PTPRD: variants seen among roughly 807,000 people sequenced by gnomAD.
PTPRD encodes protein tyrosine phosphatase receptor type D.
Under a neutral mutation model 214.5 loss-of-function variants are expected in PTPRD, and 34 were observed. The observed-to-expected ratio is 0.16, with a 90% confidence interval of 0.12 to 0.21. The LOEUF is 0.21. PTPRD is among the 10% of genes least tolerant of loss of function. The pLI is 1.00. For missense variants in PTPRD, 2,545 were observed against 2,398.7 expected (o/e 1.06, Z -1.27); for synonymous variants, 1,128 against 845.7 (o/e 1.33, Z -5.79).
At chr9:8,657,578 G>A (rs571109720) in intron 12 of PTPRD, among the ~76,000 whole-genome samples, 10 of 152,158 alleles carry the variant, frequency 6.6e-5, no homozygotes, top group East Asian at 3.9e-4. Flanking sequence ...ATTTTCTCCC[G>A]TTCTGTAGGT....
intron 3 of PTPRD, among the ~76,000 whole-genome samples, chr9:10,209,936 T>G (rs2099508016): frequency 6.6e-6 from 1 of 152,136 alleles, no homozygotes; most frequent in Non-Finnish European, 1.5e-5. Flanking sequence ...AAGTACAATA[T>G]TTCTAGAAAA....
chr9:10,504,115 CAA>C (rs71332747), intron 2 of PTPRD, among the ~76,000 whole-genome samples: 32 of 26,956 alleles, frequency 1.2e-3, no homozygotes, highest in East Asian at 9.9e-3. Context: ...GACTCTGTCT[CAA>C]AAAAAAAAAA....
chr9:8,854,724 C>A (rs2097882915), intron 11 of PTPRD, among the ~76,000 whole-genome samples: 1 of 152,172 alleles, frequency 6.6e-6, no homozygotes, highest in East Asian at 1.9e-4. Flanking sequence ...AAACTGTGGT[C>A]ACAGCCTCAG....
At position 8,317,741 on chromosome 9, in the gene PTPRD, G is replaced by C. The variant is rs527455972; in HGVS notation, c.*133C>G. 2.2e-4 allele frequency: 151 copies of C among 673,664 alleles called. 1 individual carries two copies. The African/African-American group carries it at 2.4e-3, about 11-fold the overall frequency. 41.7% of individuals were successfully genotyped at this position (673,664 alleles called of 1,614,324 possible). On this transcript the variant is annotated 3_prime_UTR_variant, in exon 46 of 46. Coordinates refer to ENST00000381196, the MANE Select transcript of PTPRD (RefSeq NM_002839.4). ...GAATAATTTGTTTTTAATTTGTTTT[G>C]TGTGTAATAGTCCCACTAAGTAGTT... is the stretch of plus-strand genomic sequence containing the variant.
intron 9 of PTPRD, among the ~76,000 whole-genome samples, chr9:9,324,186 A>G (rs1393872570): frequency 6.6e-6 from 1 of 152,138 alleles, no homozygotes; most frequent in Non-Finnish European, 1.5e-5. Context: ...ATGATTTACA[A>G]TCCTTTGGGT....
At chr9:10,249,401 C>T (rs2092561274) in intron 3 of PTPRD, among the ~76,000 whole-genome samples, 2 of 151,968 alleles carry the variant, frequency 1.3e-5, no homozygotes, top group Admixed American at 1.3e-4. Context: ...CTATAGGAAC[C>T]ACGAGAAAGA....
chr9:10,318,833 A>C (rs2096495540), intron 3 of PTPRD, among the ~76,000 whole-genome samples: 1 of 152,030 alleles, frequency 6.6e-6, no homozygotes, highest in African/African-American at 2.4e-5. Context: ...TTGGTAGTTA[A>C]GGTATTATGT....
intron 36 of PTPRD, among the ~76,000 whole-genome samples, chr9:8,401,991 G>A (rs2092454301): frequency 6.6e-6 from 1 of 152,176 alleles, no homozygotes; most frequent in Admixed American, 6.5e-5. Context: ...GCTGTCTTTA[G>A]AGGAGAAGCC....
At position 8,404,574 on chromosome 9, in the gene PTPRD, T is replaced by A. The variant is rs779129890; in HGVS notation, c.4173A>T (p.Ala1391=). 1 of 1,613,594 alleles carries A rather than the reference T, an allele frequency of 6.2e-7. No homozygotes were observed. The highest frequency in any genetic ancestry group is 1.1e-5 in the South Asian group (1 of 91,066). ...KPKNRYANVI[A]YDHSRVLLSA... Reference sequence around the variant, plus strand: ...ATAGGAGAACCCGGGAATGATCATATGCGATTACATTCGCGTATCTATTCT... The same window carrying A: ...ATAGGAGAACCCGGGAATGATCATAAGCGATTACATTCGCGTATCTATTCT... The change falls in exon 36 of 46, where the codon GCA becomes GCT. Residue 1391 remains alanine, a synonymous_variant. Coordinates refer to ENST00000381196, the MANE Select transcript of PTPRD (RefSeq NM_002839.4).
intron 7 of PTPRD, among the ~76,000 whole-genome samples, chr9:9,628,458 G>C (rs901870765): frequency 6.6e-6 from 1 of 151,870 alleles, no homozygotes; most frequent in African/African-American, 2.4e-5. Context: ...TTTCTCAATT[G>C]CTACATCTCT....
intron 10 of PTPRD, among the ~76,000 whole-genome samples, chr9:9,028,099 T>C (rs1241594395): frequency 6.6e-6 from 1 of 151,910 alleles, no homozygotes; most frequent in Non-Finnish European, 1.5e-5. Context: ...TTTCAACACA[T>C]CCACAGAGTA....
intron 4 of PTPRD, among the ~76,000 whole-genome samples, chr9:9,963,999 G>C (rs563819503): frequency 7.0e-6 from 1 of 142,148 alleles, no homozygotes; most frequent in East Asian, 2.2e-4. Context: ...TGGCACATCA[G>C]AGATTTAAAA....
chr9:8,975,787 C>CATAT (rs34239991), intron 11 of PTPRD, among the ~76,000 whole-genome samples: 75 of 149,296 alleles, frequency 5.0e-4, no homozygotes, highest in Middle Eastern at 3.6e-3. Context: ...ATTGAGAAAC[C>CATAT]ATATATATAT....
At chr9:10,050,434 T>G (rs895493147) in intron 3 of PTPRD, among the ~76,000 whole-genome samples, 3 of 149,994 alleles carry the variant, frequency 2.0e-5, no homozygotes, top group African/African-American at 7.3e-5. Flanking sequence ...GTGGCGCGCG[T>G]CTGTAGTCCC....
intron 2 of PTPRD, among the ~76,000 whole-genome samples, chr9:10,472,496 G>C (rs748177675): frequency 6.3e-4 from 95 of 149,824 alleles, no homozygotes; most frequent in Admixed American, 1.2e-3. Context: ...GGAGTAGTTG[G>C]GGACTGGCGG....
chr9:10,312,703 A>G (rs1476972720), intron 3 of PTPRD, among the ~76,000 whole-genome samples: 1 of 151,956 alleles, frequency 6.6e-6, no homozygotes, highest in Non-Finnish European at 1.5e-5. Context: ...ATAAACAGAA[A>G]AGAGAGTAAG....
At chr9:8,521,619 C>A (rs1406456857) in intron 19 of PTPRD, 73 bp from the exon 20 acceptor site, 23 of 1,502,612 alleles carry the variant, frequency 1.5e-5, no homozygotes, top group Non-Finnish European at 2.0e-5. Context: ...ACATGACATG[C>A]ACCGTACAGA....
In PTPRD at chr9:8,340,546, T is replaced by G. The variant is rs1851492789; in HGVS notation, c.5127-77A>C. On this transcript the variant is annotated intron_variant, in intron 41 of 45. Coordinates refer to ENST00000381196, the MANE Select transcript of PTPRD (RefSeq NM_002839.4). The stretch of plus-strand genomic sequence containing the variant: ...AAAGCTCACACTGGATACATAAACA[T>G]CAACCTGCTAATAAAAAACGAAAAC... The G allele has an allele frequency of 2.2e-6, 3 of 1,384,002 alleles. No individual in the cohort carries two copies. In the African/African-American group the frequency reaches 4.3e-5, roughly 20 times the overall value. 85.7% of individuals were successfully genotyped at this position (1,384,002 alleles called of 1,614,324 possible).
At position 8,340,377 on chromosome 9, in the gene PTPRD, A is replaced by G. The variant is rs1334093966; in HGVS notation, c.5219T>C (p.Val1740Ala). Residue 1740 changes from valine to alanine, a missense_variant, in exon 42 of 46, where the codon GTT becomes GCT. By Grantham distance (64) the Val-to-Ala change is moderately conservative (BLOSUM62 0). Coordinates refer to ENST00000381196, the MANE Select transcript of PTPRD (RefSeq NM_002839.4). ...RMLWEHNSTI[V>A]VMLTKLREMG... ...TTCACGCAGCTTGGTGAGCATCACA[A>G]CTATGGTGGAATTGTGTTCCCAGAG... is the stretch of plus-strand genomic sequence containing the variant. 2.5e-6 allele frequency: 4 copies of G among 1,610,510 alleles called. No homozygotes were observed. The highest frequency in any genetic ancestry group is 3.3e-5 in the Admixed American group (2 of 59,842).
Sources: allele counts gnomAD v4.1 joint callset (sites outside exome capture counted in the v4.1 genomes callset), GRCh38; gene constraint gnomAD v4.1.1; transcripts MANE v1.5; gene names NCBI Gene and HGNC (gene_info 2026-07-23, HGNC 2026-07-21).